The following ARHGAP6 variants were observed in gnomAD, a reference collection of about 807,000 sequenced individuals.
ARHGAP6 encodes the protein Rho GTPase activating protein 6, also known as rho GTPase-activating protein 6.
In ARHGAP6, 16 loss-of-function variants were observed where a neutral mutation model predicts 55.7. The observed-to-expected ratio is 0.29, with a 90% CI of 0.19 to 0.44. The LOEUF (loss-of-function observed/expected upper bound fraction) is 0.44. Among genes scored for constraint, ARHGAP6 ranks in the 20% least tolerant of loss-of-function variants. ARHGAP6 has a pLI of 1.00. For missense variants in ARHGAP6, 698 were observed against 808.9 expected (o/e 0.86, Z 1.66); for synonymous variants, 382 against 360.9 (o/e 1.06, Z -0.66).
At chrX:11,479,755 G>C (rs990247465) in intron 1 of ARHGAP6, among the ~76,000 whole-genome samples, 2 of 112,055 alleles carry the variant, frequency 1.8e-5, no homozygotes, top group Non-Finnish European at 3.8e-5. Flanking sequence ...GAGACTAAAA[G>C]TGAACCTTGG....
chrX:11,565,473 G>T (rs2051431772), intron 1 of ARHGAP6, among the ~76,000 whole-genome samples: 1 of 112,188 alleles, frequency 8.9e-6, no homozygotes, highest in Non-Finnish European at 1.9e-5. Context: ...TTGCGATACA[G>T]TTCAGGGTGA....
intron 1 of ARHGAP6, among the ~76,000 whole-genome samples, chrX:11,567,005 C>T (rs57332283): frequency 0.083 from 9,205 of 111,377 alleles, 396 homozygotes; most frequent in East Asian, 0.19. Flanking sequence ...ATAACAATGC[C>T]CACATCATCA....
At chrX:11,389,565 A>G (rs2049376774) in intron 1 of ARHGAP6, among the ~76,000 whole-genome samples, 1 of 112,520 alleles carries the variant, frequency 8.9e-6, no homozygotes, top group Non-Finnish European at 1.9e-5. Flanking sequence ...AGTCCTCTAA[A>G]TGAAGACTTC....
Position 11,241,333 on chromosome X carries a change from C to T in ARHGAP6, c.748+13215G>A, listed in dbSNP as rs73184326. 9.2e-3 allele frequency among the ~76,000 whole-genome samples: 1,021 copies of T among 110,455 alleles called. 3 individuals are homozygous for T. The highest frequency in any genetic ancestry group is 0.014 in the Non-Finnish European group (751 of 52,818). ...AATGTTTGATTCCTTATAATCCAAC[C>T]CTTTACCAACTAAGCATTCTATTGG... On this transcript the variant is annotated intron_variant, in intron 2 of 12. Transcript: ENST00000337414.
chrX:11,322,006 G>T (rs999745063), intron 1 of ARHGAP6, among the ~76,000 whole-genome samples: 1 of 112,091 alleles, frequency 8.9e-6, no homozygotes, highest in African/African-American at 3.2e-5. Flanking sequence ...CTGCTGTGAC[G>T]TGACATATGT....
intron 1 of ARHGAP6, among the ~76,000 whole-genome samples, chrX:11,498,540 C>T (rs1410715719): frequency 9.0e-6 from 1 of 111,372 alleles, no homozygotes; most frequent in Non-Finnish European, 1.9e-5. Flanking sequence ...ATAAAGGGCC[C>T]ACTATGTGCT....
chrX:11,292,441 A>G (rs1247641222), intron 1 of ARHGAP6, among the ~76,000 whole-genome samples: 1 of 111,742 alleles, frequency 8.9e-6, no homozygotes, highest in Non-Finnish European at 1.9e-5. Flanking sequence ...AGCTTTGGTC[A>G]TTGCTTAGGG....
intron 1 of ARHGAP6, among the ~76,000 whole-genome samples, chrX:11,313,860 C>T (rs2048326884): frequency 8.9e-6 from 1 of 112,012 alleles, no homozygotes; most frequent in Non-Finnish European, 1.9e-5. Context: ...TTAGATTCTC[C>T]AAGTGTGGGC....
intron 1 of ARHGAP6, among the ~76,000 whole-genome samples, chrX:11,460,433 T>C (rs955004305): frequency 8.9e-6 from 1 of 111,738 alleles, no homozygotes; most frequent in Non-Finnish European, 1.9e-5. Flanking sequence ...AGGACCCTTG[T>C]ATGACCCTGT....
At chrX:11,562,861 C>T (rs2051401268) in intron 1 of ARHGAP6, among the ~76,000 whole-genome samples, 1 of 111,886 alleles carries the variant, frequency 8.9e-6, no homozygotes, top group African/African-American at 3.2e-5. Context: ...CAAACTCACG[C>T]CTCCTAGAAA....
chrX:11,644,983 C>T (rs958323999), intron 1 of ARHGAP6, among the ~76,000 whole-genome samples: 3 of 112,099 alleles, frequency 2.7e-5, no homozygotes, highest in African/African-American at 9.7e-5. Context: ...ACATCCATAT[C>T]ATGGAACTTA....
chrX:11,143,524 T>G, intron 11 of ARHGAP6: 1 of 811,472 alleles, frequency 1.2e-6, no homozygotes, highest in Non-Finnish European at 1.5e-6. Context: ...TCTCTTGTCA[T>G]TGGATACTAA....
chrX:11,266,235 C>T (rs1231451556), intron 1 of ARHGAP6, among the ~76,000 whole-genome samples: 10 of 110,747 alleles, frequency 9.0e-5, no homozygotes, highest in Admixed American at 7.7e-4. Flanking sequence ...GATCTACAAA[C>T]GGTAATTGGA....
intron 1 of ARHGAP6, among the ~76,000 whole-genome samples, chrX:11,578,904 C>G (rs1046150857): frequency 1.1e-4 from 12 of 110,085 alleles, no homozygotes; most frequent in African/African-American, 4.0e-4. Flanking sequence ...GCTGGAAACC[C>G]TAATTCTGAG....
chrX:11,158,629 ACT>A (rs2045897828), intron 9 of ARHGAP6, among the ~76,000 whole-genome samples: 2 of 111,425 alleles, frequency 1.8e-5, no homozygotes, highest in African/African-American at 6.5e-5. Flanking sequence ...TTTACTGGAA[ACT>A]CTTTTTATTC....
intron 1 of ARHGAP6, among the ~76,000 whole-genome samples, chrX:11,277,380 T>G (rs1046152678): frequency 4.7e-5 from 5 of 107,248 alleles, no homozygotes; most frequent in East Asian, 2.8e-4. Flanking sequence ...TCAATGATTT[T>G]GGGTATATAA....
intron 1 of ARHGAP6, among the ~76,000 whole-genome samples, chrX:11,659,894 T>G (rs901636676): frequency 8.9e-6 from 1 of 112,045 alleles, no homozygotes; most frequent in African/African-American, 3.3e-5. Flanking sequence ...AAATTTGTGT[T>G]GCTTGAAGCC....
At chrX:11,247,920 A>G (rs760636978) in intron 2 of ARHGAP6, among the ~76,000 whole-genome samples, 1 of 111,881 alleles carries the variant, frequency 8.9e-6, no homozygotes, top group Non-Finnish European at 1.9e-5. Flanking sequence ...ATAATCAGAT[A>G]GTCCATGCTT....
At chrX:11,146,399 T>C (rs1021077942) in intron 10 of ARHGAP6, among the ~76,000 whole-genome samples, 11 of 111,419 alleles carry the variant, frequency 9.9e-5, no homozygotes, top group African/African-American at 3.6e-4. Flanking sequence ...AGACACAGGC[T>C]CTGAACCTCC....
Sources: gnomAD v4.1 joint callset for allele counts (sites outside exome capture counted in the v4.1 genomes callset) on GRCh38, gnomAD v4.1.1 for gene constraint, MANE v1.5 for transcripts, NCBI Gene and HGNC (gene_info 2026-07-23, HGNC 2026-07-21) for gene names.